RPS19: variants seen among roughly 807,000 people sequenced by gnomAD.
RPS19 encodes the protein small ribosomal subunit protein eS19.
Under a neutral mutation model 20.3 loss-of-function variants are expected in RPS19, and 1 was observed. The ratio of observed to expected loss-of-function variants is 0.05; its 90% CI spans 0.02 to 0.23. RPS19 has a LOEUF of 0.23. Ranked by LOEUF, RPS19 falls within the 10% of genes least tolerant of loss-of-function variation. The pLI is 1.00. For missense variants in RPS19, 111 were observed against 192.7 expected (o/e 0.58, Z 2.51); for synonymous variants, 87 against 74.8 (o/e 1.16, Z -0.84).
chr19:41,860,867 C>T, intron 2 of RPS19, 22 bp downstream of exon 2: 2 of 1,600,558 alleles, frequency 1.2e-6, no homozygotes, highest in Non-Finnish European at 1.7e-6. Flanking sequence ...GACTGAGGTT[C>T]AAAACGGGTG....
chr19:41,864,021 T>G (rs1442340160), intron 3 of RPS19: 3 of 152,126 alleles, frequency 2.0e-5, no homozygotes, highest in Admixed American at 2.0e-4. Context: ...TTTTCTATTT[T>G]TAGTAGAGAC....
At chr19:41,867,033 T>C (rs1409311634) in intron 3 of RPS19, among the ~76,000 whole-genome samples, 1 of 144,136 alleles carries the variant, frequency 6.9e-6, no homozygotes, top group East Asian at 2.1e-4. Flanking sequence ...AAAAAAAATA[T>C]CGGGGCCAGC....
In RPS19 at chr19:41,872,594, G is replaced by A. The variant is rs1431109653; in HGVS notation, c.*1217G>A. The A allele has an allele frequency of 2.0e-5, 3 of 152,224 alleles. No homozygotes were observed. The highest frequency in any genetic ancestry group is 2.9e-5 in the Non-Finnish European group (2 of 68,092). 9.4% of individuals were successfully genotyped at this position (152,224 alleles called of 1,614,324 possible). On this transcript the variant is annotated 3_prime_UTR_variant, in exon 6 of 6. Transcript: ENST00000598742. The stretch of plus-strand genomic sequence containing the variant: ...TCAGTTGGCAGTCCCCAAACGTAAG[G>A]CGTAAGAGTTTAAGAAGTATCGGCC...
intron 1 of RPS19, 181 bp from the exon 2 acceptor site, chr19:41,860,594 G>T: frequency 1.4e-6 from 1 of 699,982 alleles, no homozygotes; most frequent in Non-Finnish European, 2.6e-6. Context: ...GAGAGGCCGT[G>T]GGCGTCGGTG....
At chr19:41,869,511 C>T (rs1042445421) in intron 4 of RPS19, 188 bp from the exon 5 acceptor site, 13 of 629,164 alleles carry the variant, frequency 2.1e-5, no homozygotes, top group African/African-American at 5.5e-5. Context: ...CAAACAACAC[C>T]CCGTCAGCTC....
intron 3 of RPS19, among the ~76,000 whole-genome samples, chr19:41,865,949 T>TAAAAAAAA (rs35155067): frequency 1.3e-5 from 1 of 74,504 alleles, no homozygotes; most frequent in African/African-American, 5.0e-5. Context: ...ACTCCGTCTT[T>TAAAAAAAA]AAAAAAAAAA....
In RPS19 at chr19:41,871,495, C is replaced by CTG; in HGVS notation, c.*118_*119insTG. The stretch of plus-strand genomic sequence containing the variant: ...GCAGTGGCGCCATCTCAGCTCACTG[C>CTG]AATCTCCGCCTTCTGGGTTCAAATG... On this transcript the variant is annotated 3_prime_UTR_variant, in exon 6 of 6. Transcript: ENST00000598742. 1 of 843,674 alleles carries CTG rather than the reference C, an allele frequency of 1.2e-6. No homozygotes were observed. Among genetic ancestry groups the CTG allele is most frequent in the Non-Finnish European group, 2.0e-6 (1 of 498,978 alleles). 52.3% of individuals were successfully genotyped at this position (843,674 alleles called of 1,614,324 possible). A position where few individuals can be genotyped will look rare whatever the true frequency, so the allele number is the denominator to read the frequency against.
intron 3 of RPS19, 146 bp downstream of exon 3, chr19:41,861,358 A>G: frequency 1.5e-6 from 1 of 679,154 alleles, no homozygotes; most frequent in Non-Finnish European, 2.7e-6. Flanking sequence ...GTGTGATGTG[A>G]CATTCGATAA....
chr19:41,861,942 G>T (rs1376288647), intron 3 of RPS19, among the ~76,000 whole-genome samples: 1 of 152,218 alleles, frequency 6.6e-6, no homozygotes, highest in Non-Finnish European at 1.5e-5. Context: ...TAATATTTCA[G>T]TACTCACTAA....
chr19:41,861,280 C>T (rs1419551956), intron 3 of RPS19, 68 bp downstream of exon 3: 5 of 1,128,378 alleles, frequency 4.4e-6, no homozygotes, highest in Non-Finnish European at 6.7e-6. Flanking sequence ...CCATACTTCC[C>T]TGTCTCCTCT....
intron 3 of RPS19, among the ~76,000 whole-genome samples, chr19:41,867,420 T>C (rs2074102112): frequency 6.6e-6 from 1 of 152,144 alleles, no homozygotes; most frequent in Non-Finnish European, 1.5e-5. Flanking sequence ...TCTCCTGCCC[T>C]GCCTCAGCCT....
At chr19:41,863,099 C>G (rs2074050059) in intron 3 of RPS19, among the ~76,000 whole-genome samples, 1 of 152,192 alleles carries the variant, frequency 6.6e-6, no homozygotes, top group South Asian at 2.1e-4. Context: ...TTATAGCTCA[C>G]TGCAGCTTCT....
intron 3 of RPS19, chr19:41,864,955 A>G (rs1435299812): frequency 1.3e-5 from 2 of 152,180 alleles, no homozygotes; most frequent in Non-Finnish European, 2.9e-5. Flanking sequence ...CAATTTGTGA[A>G]GTTAATAACC....
intron 2 of RPS19, 61 bp downstream of exon 2, chr19:41,860,906 AG>A: frequency 6.9e-7 from 1 of 1,454,610 alleles, no homozygotes; most frequent in Non-Finnish European, 9.6e-7. Context: ...TGCCCATCTG[AG>A]CCCCAGTGTT....
At position 41,869,756 on chromosome 19, in the gene RPS19, A is replaced by G. The variant is rs2123286000; in HGVS notation, c.411+3A>G. On this transcript the variant is annotated splice_donor_region_variant and intron_variant, in intron 5 of 5. Coordinates refer to ENST00000598742, the MANE Select transcript of RPS19 (RefSeq NM_001022.4). ...ATCTGGACAGAATCGCCGGACAGGTAAGGCCTGCGTTTGGGGTGGGGCTGG... is the reference window on the plus strand; with the variant it reads ...ATCTGGACAGAATCGCCGGACAGGTGAGGCCTGCGTTTGGGGTGGGGCTGG... 6.2e-7 allele frequency: 1 copy of G among 1,614,002 alleles called. No individual in the cohort carries two copies. The highest frequency in any genetic ancestry group is 8.5e-7 in the Non-Finnish European group (1 of 1,179,894).
chr19:41,869,518 G>T, intron 4 of RPS19, 181 bp from the exon 5 acceptor site: 1 of 642,162 alleles, frequency 1.6e-6, no homozygotes, highest in Non-Finnish European at 2.7e-6. Context: ...CACCCCGTCA[G>T]CTCCCAGGGG....
chr19:41,863,092 T>C (rs1010179192), intron 3 of RPS19, among the ~76,000 whole-genome samples: 8 of 152,310 alleles, frequency 5.3e-5, no homozygotes, highest in East Asian at 1.9e-4. Context: ...GGCACAATTA[T>C]AGCTCACTGC....
At chr19:41,869,330 C>G (rs2074121821) in intron 4 of RPS19, 116 bp downstream of exon 4, 1 of 976,320 alleles carries the variant, frequency 1.0e-6, no homozygotes, top group Non-Finnish European at 1.5e-6. Flanking sequence ...CTATCAGAGG[C>G]AGGCAGGAGG....
rs879977226 is a variant in RPS19 at position 41,870,242 on chromosome 19, C to CA, written c.411+502dup. 1.9e-3 allele frequency among the ~76,000 whole-genome samples: 263 copies of CA among 140,828 alleles called. 1 individual carries two copies. Among genetic ancestry groups the CA allele is most frequent in the East Asian group, 3.1e-3 (15 of 4,864 alleles). The allele number at this position is 140,828 out of a possible 152,430, so 92.4% of individuals were successfully genotyped here. ...GGGCAACAAGAGTGAAACTCCATCT[C>CA]AAAAAAAAAAAAATTGGAGGGAACT... On this transcript the variant is annotated intron_variant, in intron 5 of 5. Transcript: ENST00000598742.
Sources: gnomAD v4.1 joint callset for allele counts (sites outside exome capture counted in the v4.1 genomes callset) on GRCh38, gnomAD v4.1.1 for gene constraint, MANE v1.5 for transcripts, NCBI Gene and HGNC (gene_info 2026-07-23, HGNC 2026-07-21) for gene names.